Variants in NET1 observed in about 807,000 individuals in gnomAD.
The protein encoded by NET1 is neuroepithelial cell transforming 1.
NET1 carries 42 observed loss-of-function variants against 61.1 expected under a neutral mutation model. The observed-to-expected ratio is 0.69, with a 90% CI of 0.54 to 0.89. The LOEUF (loss-of-function observed/expected upper bound fraction) is 0.89, where lower values mean the gene tolerates loss of function less well. Among genes scored for constraint, NET1 ranks in the 40% least tolerant of loss-of-function variants. The probability of loss-of-function intolerance (pLI) is 0.00; values close to 1 mark genes in which losing one functional copy is unlikely to be tolerated. For missense variants in NET1, 654 were observed against 747.3 expected (o/e 0.88, Z 1.46); for synonymous variants, 254 against 281.8 (o/e 0.90, Z 0.99).
chr10:5,454,982 A>G lies in NET1; in HGVS notation c.1061A>G (p.Asn354Ser). Reference sequence around the variant, plus strand: ...ATACAGGGAGTCCTCTCTGATATCAACTTGAAGAAAGGTGAATCCGAGTGC... The same window carrying G: ...ATACAGGGAGTCCTCTCTGATATCAGCTTGAAGAAAGGTGAATCCGAGTGC... Reference protein sequence around the residue: ...LIIQGVLSDINLKKGESECQY... With the variant: ...LIIQGVLSDISLKKGESECQY... Residue 354 changes from asparagine to serine, a missense_variant, in exon 10 of 12, where the codon AAC becomes AGC. Transcript: ENST00000355029. This position sits in a 1 kb window ranked among gnomAD's most constrained non-coding sequence, Gnocchi z 8.1. 6.2e-7 allele frequency: 1 copy of G among 1,614,138 alleles called. No homozygotes were observed. Among genetic ancestry groups the G allele is most frequent in the Non-Finnish European group, 8.5e-7 (1 of 1,180,004 alleles).
Position 5,427,336 on chromosome 10 carries a change from ATAATT to A in NET1, c.195+617_195+621del, listed in dbSNP as rs1832272947. On this transcript the variant is annotated intron_variant, in intron 2 of 11. Transcript: ENST00000355029. The surrounding 1 kb of genome is among the most constrained non-coding windows in gnomAD (Gnocchi z 4.1). ...AAAAATAGCAAAAGTGATTCAAAAT[ATAATT>A]TCATATAAATGCATAAGTATGATCA... 6.6e-6 allele frequency among the ~76,000 whole-genome samples: 1 copy of A among 152,208 alleles called. No individual in the cohort carries two copies. The highest frequency in any genetic ancestry group is 1.5e-5 in the Non-Finnish European group (1 of 68,004).
At position 5,440,028 on chromosome 10, in the gene NET1, G is replaced by T. The variant is rs1217669299; in HGVS notation, c.255+10799G>T. 1.3e-5 allele frequency among the ~76,000 whole-genome samples: 2 copies of T among 152,144 alleles called. No individual in the cohort carries two copies. The highest frequency in any genetic ancestry group is 3.8e-4 in the East Asian group (2 of 5,196). Reference sequence around the variant, plus strand: ...GCGGGGAGATCCCAGAAAGCCTCAGGCCGTTGGATCTATTAAAACTTTTCC... The same window carrying T: ...GCGGGGAGATCCCAGAAAGCCTCAGTCCGTTGGATCTATTAAAACTTTTCC... On this transcript the variant is annotated intron_variant, in intron 3 of 11. Transcript: ENST00000355029. This position sits in a 1 kb window ranked among gnomAD's most constrained non-coding sequence, Gnocchi z 4.1.
chr10:5,429,009 C>T (rs956571508), intron 2 of NET1, among the ~76,000 whole-genome samples, 161 bp from the exon 3 acceptor site: 1 of 151,756 alleles, frequency 6.6e-6, no homozygotes, highest in Non-Finnish European at 1.5e-5. Context: ...GCTGAAATTA[C>T]AGACGTGAGC....
rs868091530 is a variant in NET1, at chr10:5,434,697, T to C, written c.255+5468T>C. ...TGTGGATTTTATTTGTGGGTTTTCT[T>C]TTTTTTTTTTTTTGGTTATGCTAGT... On this transcript the variant is annotated intron_variant, in intron 3 of 11. Transcript: ENST00000355029. 5.6e-3 allele frequency among the ~76,000 whole-genome samples: 735 copies of C among 130,452 alleles called. 26 individuals are homozygous for C. The East Asian group carries it at 0.11, about 20-fold the overall frequency. The allele number at this position is 130,452 out of a possible 152,430, so 85.6% of individuals were successfully genotyped here. A position where few individuals can be genotyped will look rare whatever the true frequency, so the allele number is the denominator to read the frequency against.
chr10:5,457,200 A>G lies in NET1; in HGVS notation c.*206A>G, dbSNP rs59841593. ...TTGCAGTCCTTTTTTTTTTAAAGAT[A>G]TTTTCTTGAATTATTTAGAACATGG... On this transcript the variant is annotated 3_prime_UTR_variant, in exon 12 of 12. Transcript: ENST00000355029. This position sits in a 1 kb window ranked among gnomAD's most constrained non-coding sequence, Gnocchi z 5.4. The G allele has an allele frequency of 9.9e-3, 3,880 of 392,560 alleles. 120 individuals are homozygous for G. Among genetic ancestry groups the G allele is most frequent in the African/African-American group, 0.073 (3,532 of 48,062 alleles). The allele number at this position is 392,560 out of a possible 1,614,324, so 24.3% of individuals were successfully genotyped here.
In NET1 at chr10:5,431,475, A is replaced by G. The variant is rs1034418801; in HGVS notation, c.255+2246A>G. ...CTCAAAATGGATGCTCATTGCCTAC[A>G]TGCATTTTTTTCTTGGTGGTTGCAA... is the stretch of plus-strand genomic sequence containing the variant. On this transcript the variant is annotated intron_variant, in intron 3 of 11. Coordinates refer to ENST00000355029, the MANE Select transcript of NET1 (RefSeq NM_001047160.3). This position sits in a 1 kb window ranked among gnomAD's most constrained non-coding sequence, Gnocchi z 4.9. Among the ~76,000 whole-genome samples the G allele has an allele frequency of 6.6e-6, 1 of 150,674 alleles. No individual in the cohort carries two copies. Among genetic ancestry groups the G allele is most frequent in the Admixed American group, 6.6e-5 (1 of 15,094 alleles).
At position 5,454,143 on chromosome 10, in the gene NET1, T is replaced by C; in HGVS notation, c.769-122T>C. The C allele has an allele frequency of 3.0e-6, 3 of 1,004,838 alleles. No homozygotes were observed. Among genetic ancestry groups the C allele is most frequent in the South Asian group, 3.3e-5 (2 of 61,264 alleles). The allele number at this position is 1,004,838 out of a possible 1,614,324, so 62.2% of individuals were successfully genotyped here. On this transcript the variant is annotated intron_variant, in intron 8 of 11. Transcript: ENST00000355029. This position sits in a 1 kb window ranked among gnomAD's most constrained non-coding sequence, Gnocchi z 8.1. Reference sequence around the variant, plus strand: ...GCTTCCATTATTATCTGCCAGAAAATGTCCACAGCTTGTTAAAACTCTCAA... The same window carrying C: ...GCTTCCATTATTATCTGCCAGAAAACGTCCACAGCTTGTTAAAACTCTCAA...
At chr10:5,442,224 G>A (rs1026907625) in intron 3 of NET1, among the ~76,000 whole-genome samples, 1 of 152,170 alleles carries the variant, frequency 6.6e-6, no homozygotes, top group African/African-American at 2.4e-5. Flanking sequence ...AAAACAGGTT[G>A]ACAATTGCAT....
rs1353481320 is a variant in NET1, at chr10:5,431,886, G to A, written c.255+2657G>A. On this transcript the variant is annotated intron_variant, in intron 3 of 11. Coordinates refer to ENST00000355029, the MANE Select transcript of NET1 (RefSeq NM_001047160.3). This position sits in a 1 kb window ranked among gnomAD's most constrained non-coding sequence, Gnocchi z 4.9. ...CCCAAAGTGCTGGGATTACAGGCATGAGCCACCACGCCTGGCCTCATTTCA... is the reference window on the plus strand; with the variant it reads ...CCCAAAGTGCTGGGATTACAGGCATAAGCCACCACGCCTGGCCTCATTTCA... 2.6e-5 allele frequency among the ~76,000 whole-genome samples: 4 copies of A among 152,144 alleles called. No individual in the cohort carries two copies. Among genetic ancestry groups the A allele is most frequent in the Non-Finnish European group, 5.9e-5 (4 of 68,018 alleles).
Position 5,443,979 on chromosome 10 carries a change from T to TA in NET1, c.256-7850dup, listed in dbSNP as rs1030864876. ...GTGGCCGTAAAGTATTGGCCTTACT[T>TA]ACGCCATATTTTAACTGATGAAGCT... On this transcript the variant is annotated intron_variant, in intron 3 of 11. Transcript: ENST00000355029. This position sits in a 1 kb window ranked among gnomAD's most constrained non-coding sequence, Gnocchi z 4.8. 2.0e-5 allele frequency among the ~76,000 whole-genome samples: 3 copies of TA among 152,358 alleles called. No individual in the cohort carries two copies. Among genetic ancestry groups the TA allele is most frequent in the South Asian group, 2.1e-4 (1 of 4,830 alleles).
Position 5,456,364 on chromosome 10 carries a change from G to C in NET1, c.1384+91G>C. On this transcript the variant is annotated intron_variant, in intron 11 of 11. Transcript: ENST00000355029. This position sits in a 1 kb window ranked among gnomAD's most constrained non-coding sequence, Gnocchi z 7.0. The stretch of plus-strand genomic sequence containing the variant: ...CCTTTAAGAATTCTAGAGATGAAAT[G>C]GCTCCATTGTCCTATACTTGTTACA... 1 of 1,263,736 alleles carries C rather than the reference G, an allele frequency of 7.9e-7. No individual in the cohort carries two copies. Among genetic ancestry groups the C allele is most frequent in the South Asian group, 1.6e-5 (1 of 64,064 alleles). The allele number at this position is 1,263,736 out of a possible 1,614,324, so 78.3% of individuals were successfully genotyped here.
In NET1 at chr10:5,440,935, A is replaced by G. The variant is rs1053874381; in HGVS notation, c.256-10895A>G. ...ATCTCTAGGACCAATCTCAGTGTCC[A>G]TATTTTAGCCTGGGTTCTCCCTCCA... On this transcript the variant is annotated intron_variant, in intron 3 of 11. Coordinates refer to ENST00000355029, the MANE Select transcript of NET1 (RefSeq NM_001047160.3). The surrounding 1 kb of genome is among the most constrained non-coding windows in gnomAD (Gnocchi z 4.1). Among the ~76,000 whole-genome samples, 9 of 152,184 alleles carry G rather than the reference A, an allele frequency of 5.9e-5. No individual in the cohort carries two copies. Among genetic ancestry groups the G allele is most frequent in the Non-Finnish European group, 1.2e-4 (8 of 68,022 alleles).
Position 5,444,104 on chromosome 10 carries a change from C to T in NET1, c.256-7726C>T, listed in dbSNP as rs774139576. On this transcript the variant is annotated intron_variant, in intron 3 of 11. Transcript: ENST00000355029. This position sits in a 1 kb window ranked among gnomAD's most constrained non-coding sequence, Gnocchi z 5.3. ...TAAAATTAAGAGTAAAATTAGGAGT[C>T]CACAATCGCTCAGGTGCTTCTACTT... 9.2e-5 allele frequency among the ~76,000 whole-genome samples: 14 copies of T among 152,162 alleles called. No homozygotes were observed. Among genetic ancestry groups the T allele is most frequent in the Non-Finnish European group, 1.8e-4 (12 of 68,024 alleles).
At chr10:5,429,565 C>T (rs753261362) in intron 3 of NET1, among the ~76,000 whole-genome samples, 1 of 152,198 alleles carries the variant, frequency 6.6e-6, no homozygotes, top group African/African-American at 2.4e-5. Flanking sequence ...TTCTAGCCCA[C>T]TGTCACATGT....
chr10:5,442,316 T>C (rs939413655), intron 3 of NET1, among the ~76,000 whole-genome samples: 1 of 152,204 alleles, frequency 6.6e-6, no homozygotes, highest in Non-Finnish European at 1.5e-5. Context: ...CCTAGTCTAA[T>C]TTCCAATTGC....
rs1832184869 is a variant in NET1, at chr10:5,422,174, T to A, written c.129-4481T>A. On this transcript the variant is annotated intron_variant, in intron 1 of 11. Coordinates refer to ENST00000355029, the MANE Select transcript of NET1 (RefSeq NM_001047160.3). This position sits in a 1 kb window ranked among gnomAD's most constrained non-coding sequence, Gnocchi z 4.1. Reference sequence around the variant, plus strand: ...CCTGGTCAACATGGCCTGTCTCTACTAAAAATATAAAATTTAGCTGGGCAT... The same window carrying A: ...CCTGGTCAACATGGCCTGTCTCTACAAAAAATATAAAATTTAGCTGGGCAT... Among the ~76,000 whole-genome samples, 1 of 152,082 alleles carries A rather than the reference T, an allele frequency of 6.6e-6. No individual in the cohort carries two copies. The highest frequency in any genetic ancestry group is 1.5e-5 in the Non-Finnish European group (1 of 68,022).
In NET1 at chr10:5,427,846, G is replaced by A. The variant is rs1208654408; in HGVS notation, c.195+1125G>A. 6.6e-6 allele frequency among the ~76,000 whole-genome samples: 1 copy of A among 152,098 alleles called. No homozygotes were observed. The highest frequency in any genetic ancestry group is 1.5e-5 in the Non-Finnish European group (1 of 68,012). On this transcript the variant is annotated intron_variant, in intron 2 of 11. Transcript: ENST00000355029. This position sits in a 1 kb window ranked among gnomAD's most constrained non-coding sequence, Gnocchi z 4.1. Reference sequence around the variant, plus strand: ...TTTTCTTTTTTCATAGAATGATATTGTGTAGAATTTGACTTTGAGAATTTT... The same window carrying A: ...TTTTCTTTTTTCATAGAATGATATTATGTAGAATTTGACTTTGAGAATTTT...
Position 5,426,813 on chromosome 10 carries a change from C to A in NET1, c.195+92C>A. On this transcript the variant is annotated intron_variant, in intron 2 of 11. Transcript: ENST00000355029. The surrounding 1 kb of genome is among the most constrained non-coding windows in gnomAD (Gnocchi z 4.6). Reference sequence around the variant, plus strand: ...CTGTTACACAGATCAGTGGTCCTTACTTCTGAGGGTCTTGAGGAACAGAAT... The same window carrying A: ...CTGTTACACAGATCAGTGGTCCTTAATTCTGAGGGTCTTGAGGAACAGAAT... 1 of 795,076 alleles carries A rather than the reference C, an allele frequency of 1.3e-6. No homozygotes were observed. The highest frequency in any genetic ancestry group is 1.9e-6 in the Non-Finnish European group (1 of 525,054). The allele number at this position is 795,076 out of a possible 1,614,324, so 49.3% of individuals were successfully genotyped here.
chr10:5,435,522 T>TAGACAGAC lies in NET1; in HGVS notation c.255+6296_255+6297insCAGACAGA, dbSNP rs1195523359. On this transcript the variant is annotated intron_variant, in intron 3 of 11. Coordinates refer to ENST00000355029, the MANE Select transcript of NET1 (RefSeq NM_001047160.3). This position sits in a 1 kb window ranked among gnomAD's most constrained non-coding sequence, Gnocchi z 5.0. The stretch of plus-strand genomic sequence containing the variant: ...ATAGATAGATAGATAGATAGATAGA[T>TAGACAGAC]AGATAGATAGACAGACAGACAGATA... 1.5e-4 allele frequency among the ~76,000 whole-genome samples: 5 copies of TAGACAGAC among 32,648 alleles called. No homozygotes were observed. The highest frequency in any genetic ancestry group is 3.9e-4 in the Admixed American group (1 of 2,562). 21.4% of individuals were successfully genotyped at this position (32,648 alleles called of 152,430 possible). A position where few individuals can be genotyped will look rare whatever the true frequency, so the allele number is the denominator to read the frequency against.
Sources: allele counts gnomAD v4.1 joint callset (sites outside exome capture counted in the v4.1 genomes callset), GRCh38; gene constraint gnomAD v4.1.1; non-coding constraint Gnocchi (gnomAD v3.1); transcripts MANE v1.5; gene names NCBI Gene and HGNC (gene_info 2026-07-23, HGNC 2026-07-21).